The following CLTB variants were observed in gnomAD, a reference collection of about 807,000 sequenced individuals.
The protein encoded by CLTB is clathrin light chain B.
In CLTB, 10 loss-of-function variants were observed where a neutral mutation model predicts 30.5. The ratio of observed to expected loss-of-function variants is 0.33; its 90% CI spans 0.20 to 0.56. The LOEUF (loss-of-function observed/expected upper bound fraction) is 0.56, where lower values mean the gene tolerates loss of function less well. Ranked by LOEUF, CLTB falls within the 20% of genes least tolerant of loss-of-function variation. The pLI is 0.91. For missense variants in CLTB, 261 were observed against 308.3 expected (o/e 0.85, Z 1.15); for synonymous variants, 102 against 120.3 (o/e 0.85, Z 1.00).
intron 2 of CLTB, among the ~76,000 whole-genome samples, chr5:176,408,283 C>T (rs1475692049): frequency 6.6e-6 from 1 of 151,522 alleles, no homozygotes; most frequent in Non-Finnish European, 1.5e-5. Context: ...CCTGTAATCC[C>T]AGCACTTTGG....
chr5:176,412,632 G>A (rs1460712414), intron 1 of CLTB, among the ~76,000 whole-genome samples: 1 of 152,170 alleles, frequency 6.6e-6, no homozygotes, highest in Non-Finnish European at 1.5e-5. Context: ...GTTTGGCCTG[G>A]GGACTCAAGG....
rs184433885 is a variant in CLTB at position 176,398,110 on chromosome 5, C to T, written c.235-63G>A. 3 of 1,469,484 alleles carry T rather than the reference C, an allele frequency of 2.0e-6. No homozygotes were observed. The Admixed American group carries it at 5.0e-5, about 25-fold the overall frequency. The allele number at this position is 1,469,484 out of a possible 1,614,324, so 91.0% of individuals were successfully genotyped here. A position where few individuals can be genotyped will look rare whatever the true frequency, so the allele number is the denominator to read the frequency against. On this transcript the variant is annotated intron_variant, in intron 2 of 5. Coordinates refer to ENST00000310418, the MANE Select transcript of CLTB (RefSeq NM_007097.5). ...CACCTGCCCCGCTGTCTCTGCTGCC[C>T]CTGCTGGGGACCCACTCATGTCTGG...
At chr5:176,401,693 A>G (rs1236134008) in intron 2 of CLTB, 1 of 456,038 alleles carries the variant, frequency 2.2e-6, no homozygotes, top group Non-Finnish European at 4.4e-6. Context: ...CTTGTGTTGC[A>G]CAGCATTTTC....
At chr5:176,395,003 G>A (rs1295111798) in intron 5 of CLTB, among the ~76,000 whole-genome samples, 2 of 151,950 alleles carry the variant, frequency 1.3e-5, no homozygotes, top group African/African-American at 2.4e-5. Flanking sequence ...CTGCCTTCTG[G>A]ATCAAGTCTG....
intron 1 of CLTB, among the ~76,000 whole-genome samples, chr5:176,411,528 C>G (rs1757426744): frequency 6.6e-6 from 1 of 152,172 alleles, no homozygotes; most frequent in African/African-American, 2.4e-5. Flanking sequence ...CTTGGGCACC[C>G]CTTCCTATTC....
chr5:176,394,558 C>A (rs1204076753), intron 5 of CLTB, among the ~76,000 whole-genome samples: 5 of 151,922 alleles, frequency 3.3e-5, no homozygotes, highest in Admixed American at 1.3e-4. Context: ...TGGCTCATGC[C>A]TGTAATCCCA....
intron 1 of CLTB, among the ~76,000 whole-genome samples, chr5:176,412,672 C>G (rs1227383216): frequency 1.3e-5 from 2 of 152,220 alleles, no homozygotes; most frequent in Non-Finnish European, 1.5e-5. Flanking sequence ...GGAAATAATC[C>G]CCGGGTGACA....
intron 1 of CLTB, among the ~76,000 whole-genome samples, chr5:176,411,287 T>C (rs1245765839): frequency 6.6e-6 from 1 of 152,212 alleles, no homozygotes. Context: ...GGGCTGACAG[T>C]CTGTAAAACA....
intron 4 of CLTB, 73 bp downstream of exon 4, chr5:176,397,534 C>T: frequency 1.3e-6 from 1 of 746,482 alleles, no homozygotes; most frequent in South Asian, 2.0e-5. Context: ...CCTCATGTCC[C>T]CACGGCCCCC....
chr5:176,400,119 G>A (rs1271671900), intron 2 of CLTB, among the ~76,000 whole-genome samples: 4 of 150,354 alleles, frequency 2.7e-5, no homozygotes, highest in Non-Finnish European at 5.9e-5. Context: ...TGAATCCGGG[G>A]CGGGGCAGGG....
At chr5:176,395,121 C>G (rs377711607) in intron 5 of CLTB, among the ~76,000 whole-genome samples, 1 of 152,072 alleles carries the variant, frequency 6.6e-6, no homozygotes, top group East Asian at 1.9e-4. Flanking sequence ...ACCATCCCAG[C>G]CTGTAGAGCT....
At chr5:176,401,662 A>G in intron 2 of CLTB, 1 of 450,452 alleles carries the variant, frequency 2.2e-6, no homozygotes, top group Admixed American at 2.4e-5. Context: ...TGCCTCCTGC[A>G]ATCGTCACTC....
At chr5:176,404,858 C>T (rs1757027930) in intron 2 of CLTB, among the ~76,000 whole-genome samples, 1 of 152,236 alleles carries the variant, frequency 6.6e-6, no homozygotes, top group Admixed American at 6.5e-5. Context: ...ACCCACATCC[C>T]CCTGGGCAGC....
chr5:176,415,409 G>A (rs1581453002), intron 1 of CLTB, among the ~76,000 whole-genome samples: 1 of 152,294 alleles, frequency 6.6e-6, no homozygotes, highest in Middle Eastern at 3.4e-3. Flanking sequence ...ACGGCCAGGT[G>A]TGGTGACTCA....
In CLTB at chr5:176,416,159, G is replaced by T; in HGVS notation, c.187+18C>A. 6.5e-7 allele frequency: 1 copy of T among 1,549,118 alleles called. No homozygotes were observed. Among genetic ancestry groups the T allele is most frequent in the Non-Finnish European group, 8.7e-7 (1 of 1,155,106 alleles). ...GGTGCGCGCCCTGAGCCCCTCTCCA[G>T]GCCCCGCGCTGACTCACCCCCACTC... On this transcript the variant is annotated intron_variant, in intron 1 of 5. Transcript: ENST00000310418.
intron 1 of CLTB, 98 bp from the exon 2 acceptor site, chr5:176,410,401 C>G: frequency 1.1e-6 from 1 of 920,246 alleles, no homozygotes. Context: ...TCTGTGTATA[C>G]CCATGTATAT....
intron 5 of CLTB, among the ~76,000 whole-genome samples, chr5:176,394,373 G>C (rs1371637604): frequency 6.6e-6 from 1 of 152,220 alleles, no homozygotes; most frequent in Non-Finnish European, 1.5e-5. Flanking sequence ...GTAATTCATA[G>C]GCATGTGAAA....
intron 2 of CLTB, among the ~76,000 whole-genome samples, chr5:176,407,792 T>G (rs1431282555): frequency 6.6e-6 from 1 of 152,176 alleles, no homozygotes; most frequent in African/African-American, 2.4e-5. Flanking sequence ...CAACTAGACA[T>G]GAAGCTGCTG....
intron 5 of CLTB, among the ~76,000 whole-genome samples, chr5:176,394,269 A>G (rs1756387949): frequency 6.6e-6 from 1 of 152,226 alleles, no homozygotes; most frequent in South Asian, 2.1e-4. Context: ...GTCCAATGGC[A>G]TCAGCATGAC....
Sources: allele counts gnomAD v4.1 joint callset (sites outside exome capture counted in the v4.1 genomes callset), GRCh38; gene constraint gnomAD v4.1.1; transcripts MANE v1.5; gene names NCBI Gene and HGNC (gene_info 2026-07-23, HGNC 2026-07-21).